JMY: variants seen among roughly 807,000 people sequenced by gnomAD.
The protein encoded by JMY is junction mediating and regulatory protein, p53 cofactor, also known as junction-mediating and -regulatory protein.
A neutral mutation model predicts 103.3 loss-of-function variants in JMY; 46 were observed. That is an observed-to-expected ratio of 0.45 (90% CI 0.35 to 0.57). JMY has a LOEUF of 0.57. Ranked by LOEUF, JMY falls within the 20% of genes least tolerant of loss-of-function variation. The probability of loss-of-function intolerance (pLI) is 0.00; values close to 1 mark genes in which losing one functional copy is unlikely to be tolerated. For synonymous variants in JMY, 526 were observed against 489.3 expected, an observed-to-expected ratio of 1.07 and a Z score of -0.99; for missense variants, 1,238 against 1,255.2, an observed-to-expected ratio of 0.99 and a Z score of 0.21.
intron 1 of JMY, among the ~76,000 whole-genome samples, chr5:79,253,162 C>T (rs1489749403): frequency 1.3e-5 from 2 of 152,078 alleles, no homozygotes; most frequent in Admixed American, 1.3e-4. Flanking sequence ...TAACAACTTA[C>T]CACTAATAAA....
chr5:79,314,628 ACCTCCCCCACCTCCTCCC>A lies in JMY; in HGVS notation c.2448_2465del (p.Pro820_Pro825del), dbSNP rs1747151130. ...CATCCCCTCTTCCTCCAACACCACC[ACCTCCCCCACCTCCTCCC>A]CCTCCCCCACCACCACCACCTCTGC... On this transcript the variant is annotated inframe_deletion, in exon 9 of 11. Transcript: ENST00000396137. The A allele has an allele frequency of 1.8e-6, 2 of 1,128,982 alleles. No individual in the cohort carries two copies. Among genetic ancestry groups the A allele is most frequent in the Middle Eastern group, 2.7e-4 (1 of 3,714 alleles). 69.9% of individuals were successfully genotyped at this position (1,128,982 alleles called of 1,614,324 possible).
Position 79,316,097 on chromosome 5 carries a change from A to G in JMY, c.2757A>G (p.Glu919=). 1 of 1,614,150 alleles carries G rather than the reference A, an allele frequency of 6.2e-7. No individual in the cohort carries two copies. The highest frequency in any genetic ancestry group is 1.1e-5 in the South Asian group (1 of 91,078). Residue 919 remains glutamate (E), a synonymous_variant, in exon 10 of 11, where the codon GAA becomes GAG. Transcript: ENST00000396137. ...GAACTCTGCCTCCTTTTCCTGATGA[A>G]GATGATAGTAATAATATCTTGGCAC... ...EQRTLPPFPD[E]DDSNNILAQI...
At chr5:79,247,862 A>ATATTT (rs1201751153) in intron 1 of JMY, among the ~76,000 whole-genome samples, 43 of 148,264 alleles carry the variant, frequency 2.9e-4, no homozygotes, top group South Asian at 4.2e-4. Flanking sequence ...TTTATTTTTT[A>ATATTT]TATTTTATTT....
intron 1 of JMY, among the ~76,000 whole-genome samples, chr5:79,267,569 T>G (rs1745620946): frequency 6.6e-6 from 1 of 152,236 alleles, no homozygotes. Context: ...TTCATTTCTT[T>G]TCCCTTTTAA....
At chr5:79,256,286 T>G (rs1745239923) in intron 1 of JMY, among the ~76,000 whole-genome samples, 1 of 152,162 alleles carries the variant, frequency 6.6e-6, no homozygotes, top group Non-Finnish European at 1.5e-5. Flanking sequence ...TTGTGGTGAA[T>G]GTTGCCTGGC....
rs547369166 is a variant in JMY, at chr5:79,250,283, C to G, written c.1032+12601C>G. Among the ~76,000 whole-genome samples, 3 of 152,322 alleles carry G rather than the reference C, an allele frequency of 2.0e-5. No individual in the cohort carries two copies. In the South Asian group the frequency reaches 6.2e-4, roughly 32 times the overall value. ...GCCTCCTGTACCCTCCATAGGAACT[C>G]CTAGTACGTGCTTTCCCAAGTCCCT... On this transcript the variant is annotated intron_variant, in intron 1 of 10. Transcript: ENST00000396137.
rs535421130 is a variant in JMY, at chr5:79,279,858, GT to G, written c.1206+1782del. On this transcript the variant is annotated intron_variant, in intron 2 of 10. Transcript: ENST00000396137. ...GGTTTTTTTTGTTTTGTTTTGTTTT[GT>G]TTTTTTGAGACAGCGTCTTTGTCAC... 1.3e-5 allele frequency among the ~76,000 whole-genome samples: 2 copies of G among 151,866 alleles called. 1 individual carries two copies. The highest frequency in any genetic ancestry group is 4.2e-4 in the South Asian group (2 of 4,812).
intron 4 of JMY, 126 bp downstream of exon 4, chr5:79,291,425 TTAGAA>T (rs1177483049): frequency 2.8e-6 from 2 of 706,044 alleles, no homozygotes; most frequent in Non-Finnish European, 4.5e-6. Context: ...ATGAAAACAC[TTAGAA>T]TAGGTCCTGT....
At chr5:79,298,321 C>A (rs1483795690) in intron 4 of JMY, among the ~76,000 whole-genome samples, 1 of 152,144 alleles carries the variant, frequency 6.6e-6, no homozygotes, top group Non-Finnish European at 1.5e-5. Context: ...AGATATCTTA[C>A]CTGTTTGTAT....
intron 6 of JMY, among the ~76,000 whole-genome samples, chr5:79,302,929 C>T (rs569859052): frequency 1.3e-5 from 2 of 152,068 alleles, no homozygotes; most frequent in Non-Finnish European, 2.9e-5. Flanking sequence ...TGACACTTTG[C>T]AGAAAAAGTT....
In JMY at chr5:79,325,472, A is replaced by T. The variant is rs183672693; in HGVS notation, c.*3870A>T. 1.3e-5 allele frequency: 2 copies of T among 152,326 alleles called. No homozygotes were observed. The highest frequency in any genetic ancestry group is 3.9e-4 in the East Asian group (2 of 5,190). 9.4% of individuals were successfully genotyped at this position (152,326 alleles called of 1,614,324 possible). ...AAGTTTTACCTAATTATTGCACTAA[A>T]TGTAAATGATAACATAAAATTAAGT... On this transcript the variant is annotated 3_prime_UTR_variant, in exon 11 of 11. Transcript: ENST00000396137.
rs572072465 is a variant in JMY, at chr5:79,317,841, C to T, written c.*3+1531C>T. On this transcript the variant is annotated intron_variant, in intron 10 of 10. Coordinates refer to ENST00000396137, the MANE Select transcript of JMY (RefSeq NM_152405.5). Reference sequence around the variant, plus strand: ...GGACTCCAGACACATGCCACCATGCCGGGCTAATTTTTTAATTTCTTTGTA... The same window carrying T: ...GGACTCCAGACACATGCCACCATGCTGGGCTAATTTTTTAATTTCTTTGTA... Among the ~76,000 whole-genome samples, 11 of 152,168 alleles carry T rather than the reference C, an allele frequency of 7.2e-5. No individual in the cohort carries two copies. The South Asian group carries it at 1.0e-3, about 14-fold the overall frequency.
intron 2 of JMY, 33 bp downstream of exon 2, chr5:79,278,116 C>T (rs372238223): frequency 1.9e-5 from 29 of 1,544,006 alleles, no homozygotes; most frequent in African/African-American, 4.1e-5. Flanking sequence ...TAGTAGCCTG[C>T]CTGTTTCATA....
In JMY at chr5:79,300,182, G is replaced by A. The variant is rs1231566144; in HGVS notation, c.1557G>A (p.Ala519=). 13 of 1,613,188 alleles carry A rather than the reference G, an allele frequency of 8.1e-6. No individual in the cohort carries two copies. The highest frequency in any genetic ancestry group is 4.5e-5 in the East Asian group (2 of 44,812). The part of the protein sequence containing the change: ...EMQSLRGGTE[A]IARLDQLEAD... ...AGAGTTTGCGGGGTGGTACAGAAGC[G>A]ATAGCACGATTGGATCAGTTAGAAG... The change falls in exon 5 of 11, where the codon GCG becomes GCA. Residue 519 remains alanine (A), a synonymous_variant. Transcript: ENST00000396137.
In JMY at chr5:79,236,450, C is replaced by T. The variant is rs988621042; in HGVS notation, c.-201C>T. On this transcript the variant is annotated 5_prime_UTR_variant, in exon 1 of 11. Transcript: ENST00000396137. ...TACCTGCTCCCGGGACGCTTATTGTCCTTCTCTCGATCCGCGCCACAAAGG... is the reference window on the plus strand; with the variant it reads ...TACCTGCTCCCGGGACGCTTATTGTTCTTCTCTCGATCCGCGCCACAAAGG... 3.8e-5 allele frequency: 16 copies of T among 416,944 alleles called. No individual in the cohort carries two copies. The Admixed American group carries it at 6.3e-4, about 16-fold the overall frequency. The allele number at this position is 416,944 out of a possible 1,614,324, so 25.8% of individuals were successfully genotyped here.
At chr5:79,308,911 A>AAT (rs1746965504) in intron 7 of JMY, among the ~76,000 whole-genome samples, 2 of 152,148 alleles carry the variant, frequency 1.3e-5, no homozygotes, top group Non-Finnish European at 2.9e-5. Context: ...TAAGATTTAT[A>AAT]CCTAAGATAC....
At chr5:79,271,208 A>G (rs1376325971) in intron 1 of JMY, among the ~76,000 whole-genome samples, 1 of 149,710 alleles carries the variant, frequency 6.7e-6, no homozygotes. Context: ...TTTTTTTTTA[A>G]ATTTTAGTAG....
intron 1 of JMY, among the ~76,000 whole-genome samples, chr5:79,263,703 T>C (rs948872414): frequency 6.6e-6 from 1 of 152,018 alleles, no homozygotes; most frequent in Non-Finnish European, 1.5e-5. Context: ...TTATAGAGTC[T>C]TGCCTTTTTG....
chr5:79,285,035 G>T (rs1057396885), intron 2 of JMY: 16 of 639,270 alleles, frequency 2.5e-5, no homozygotes, highest in Non-Finnish European at 4.3e-5. Flanking sequence ...GAGCCAGCTG[G>T]ACTATACTCA....
Sources: allele counts gnomAD v4.1 joint callset (sites outside exome capture counted in the v4.1 genomes callset), GRCh38; gene constraint gnomAD v4.1.1; transcripts MANE v1.5; gene names NCBI Gene and HGNC (gene_info 2026-07-23, HGNC 2026-07-21).